LPCAT2: variants seen among roughly 807,000 people sequenced by gnomAD.
LPCAT2 encodes the protein 1-AGP acyltransferase 11.
Under a neutral mutation model 64.7 loss-of-function variants are expected in LPCAT2, and 58 were observed. The observed-to-expected ratio is 0.90, with a 90% CI of 0.73 to 1.12. LPCAT2 has a LOEUF of 1.12. LPCAT2 is among the 50% of genes most tolerant of loss of function. LPCAT2 has a pLI of 0.00. For missense variants in LPCAT2, 579 were observed against 669.8 expected, an observed-to-expected ratio of 0.86 and a Z score of 1.50; for synonymous variants, 252 against 245.3, an observed-to-expected ratio of 1.03 and a Z score of -0.26.
intron 13 of LPCAT2, among the ~76,000 whole-genome samples, chr16:55,581,863 T>A (rs771542614): frequency 6.6e-6 from 1 of 152,166 alleles, no homozygotes; most frequent in East Asian, 1.9e-4. Flanking sequence ...GTTAACTAAG[T>A]AAGCCTTCTG....
intron 13 of LPCAT2, among the ~76,000 whole-genome samples, chr16:55,579,633 T>C (rs1963867665): frequency 6.6e-6 from 1 of 152,180 alleles, no homozygotes; most frequent in African/African-American, 2.4e-5. Flanking sequence ...CACTATTGAC[T>C]CTACACTTTA....
At position 55,574,689 on chromosome 16, in the gene LPCAT2, A is replaced by G. The variant is rs761896134; in HGVS notation, c.1274A>G (p.Asn425Ser). The G allele has an allele frequency of 7.4e-6, 12 of 1,613,434 alleles. No homozygotes were observed. The highest frequency in any genetic ancestry group is 1.0e-5 in the Non-Finnish European group (12 of 1,179,686). Residue 425 changes from asparagine (N) to serine (S), a missense_variant, in exon 12 of 14, where the codon AAC becomes AGC. By Grantham distance (46) the Asn-to-Ser change is conservative. Transcript: ENST00000262134. ...GTGATTGGCCTGGCTGTCTTGTGCA[A>G]CCCTTCCAACACAGAGGAGATCATC... The part of the protein sequence containing the change: ...EYVIGLAVLC[N>S]PSNTEEIIQV...
intron 1 of LPCAT2, among the ~76,000 whole-genome samples, chr16:55,513,031 G>A (rs1214757048): frequency 2.0e-5 from 3 of 152,128 alleles, no homozygotes; most frequent in African/African-American, 7.2e-5. Context: ...CAGAATATCT[G>A]TAATATATCA....
At position 55,569,077 on chromosome 16, in the gene LPCAT2, G is replaced by A. The variant is rs117506902; in HGVS notation, c.1216-5554G>A. ...GCAGATAAATTCTTCCTTCCTCTTTGGACTCATTTAGAAGAAAGTTGTAAC... is the reference window on the plus strand; with the variant it reads ...GCAGATAAATTCTTCCTTCCTCTTTAGACTCATTTAGAAGAAAGTTGTAAC... On this transcript the variant is annotated intron_variant, in intron 11 of 13. Coordinates refer to ENST00000262134, the MANE Select transcript of LPCAT2 (RefSeq NM_017839.5). Among the ~76,000 whole-genome samples the A allele has an allele frequency of 6.9e-3, 1,055 of 152,180 alleles. 3 individuals are homozygous for A. Among genetic ancestry groups the A allele is most frequent in the Middle Eastern group, 0.01 (3 of 294 alleles).
chr16:55,528,509 A>C lies in LPCAT2; in HGVS notation c.444A>C (p.Thr148=), dbSNP rs746800246. The C allele has an allele frequency of 1.2e-6, 2 of 1,614,030 alleles. No homozygotes were observed. Among genetic ancestry groups the C allele is most frequent in the East Asian group, 2.2e-5 (1 of 44,860 alleles). The change falls in exon 3 of 14, where the codon ACA becomes ACC. Residue 148 remains threonine, a synonymous_variant. Transcript: ENST00000262134. ...APVFVAAPHS[T]FFDGIACVVA... is the part of the protein sequence containing the mutation. Reference sequence around the variant, plus strand: ...TTTTTGTTGCTGCCCCTCATTCAACATTCTTTGATGGAATTGCCTGTGTTG... The same window carrying C: ...TTTTTGTTGCTGCCCCTCATTCAACCTTCTTTGATGGAATTGCCTGTGTTG...
intron 11 of LPCAT2, among the ~76,000 whole-genome samples, chr16:55,563,116 A>G (rs1963654830): frequency 6.6e-6 from 1 of 151,966 alleles, no homozygotes; most frequent in Non-Finnish European, 1.5e-5. Flanking sequence ...GTATGCCAAC[A>G]GATTGCATAA....
At chr16:55,537,917 T>C (rs1963344358) in intron 8 of LPCAT2, among the ~76,000 whole-genome samples, 1 of 152,162 alleles carries the variant, frequency 6.6e-6, no homozygotes, top group Non-Finnish European at 1.5e-5. Context: ...AATGATATAT[T>C]TTCACATCCT....
At chr16:55,538,189 T>C (rs9934598) in intron 8 of LPCAT2, 15,768 of 152,908 alleles carry the variant, frequency 0.1, 1,104 homozygotes, top group African/African-American at 0.19. Context: ...CTGAAAATTT[T>C]GACCAGGTTT....
intron 1 of LPCAT2, among the ~76,000 whole-genome samples, chr16:55,517,075 C>T (rs1305212994): frequency 6.6e-6 from 1 of 151,744 alleles, no homozygotes; most frequent in Non-Finnish European, 1.5e-5. Context: ...AATAACAACT[C>T]CAGAAGTTGG....
intron 10 of LPCAT2, among the ~76,000 whole-genome samples, chr16:55,549,663 T>C (rs1963493588): frequency 6.6e-6 from 1 of 152,214 alleles, no homozygotes; most frequent in South Asian, 2.1e-4. Flanking sequence ...TCTGCCTCCC[T>C]ACTCAGAGGG....
chr16:55,569,136 C>G (rs1189505753), intron 11 of LPCAT2, among the ~76,000 whole-genome samples: 1 of 152,164 alleles, frequency 6.6e-6, no homozygotes, highest in African/African-American at 2.4e-5. Context: ...GTTAACATCC[C>G]TCAGCTTCCT....
chr16:55,510,291 T>G (rs1223382433), intron 1 of LPCAT2, among the ~76,000 whole-genome samples: 1 of 152,144 alleles, frequency 6.6e-6, no homozygotes, highest in African/African-American at 2.4e-5. Flanking sequence ...ATGGCTATAC[T>G]GTTATGCACA....
At chr16:55,553,431 T>G (rs1267411723) in intron 11 of LPCAT2, among the ~76,000 whole-genome samples, 1 of 152,200 alleles carries the variant, frequency 6.6e-6, no homozygotes, top group Non-Finnish European at 1.5e-5. Flanking sequence ...TAGTTTCCAT[T>G]GCAATAAACC....
intron 11 of LPCAT2, chr16:55,566,939 TC>T (rs778149330): frequency 6.2e-7 from 1 of 1,613,806 alleles, no homozygotes; most frequent in South Asian, 1.1e-5. Flanking sequence ...CAGAACCGCC[TC>T]CCACTCAGCA....
Position 55,565,285 on chromosome 16 carries a change from G to A in LPCAT2, c.1216-9346G>A, listed in dbSNP as rs200957708. Among the ~76,000 whole-genome samples, 42 of 152,108 alleles carry A rather than the reference G, an allele frequency of 2.8e-4. No individual in the cohort carries two copies. In the East Asian group the frequency reaches 2.9e-3, roughly 10 times the overall value. The stretch of plus-strand genomic sequence containing the variant: ...GGATGTAAGTGGTACAGTCAATAAG[G>A]AAAAGCGTATGGTAGTTCCTTAAAA... On this transcript the variant is annotated intron_variant, in intron 11 of 13. Coordinates refer to ENST00000262134, the MANE Select transcript of LPCAT2 (RefSeq NM_017839.5).
At chr16:55,511,980 A>C (rs1301938218) in intron 1 of LPCAT2, among the ~76,000 whole-genome samples, 2 of 152,174 alleles carry the variant, frequency 1.3e-5, no homozygotes, top group African/African-American at 4.8e-5. Flanking sequence ...GAGTCGTCTC[A>C]TCTTCTCCAC....
chr16:55,532,107 G>A (rs891460914), intron 5 of LPCAT2, 133 bp downstream of exon 5: 14 of 634,030 alleles, frequency 2.2e-5, no homozygotes, highest in African/African-American at 1.5e-4. Flanking sequence ...ACTTTTTAAC[G>A]TTGTGGATCC....
chr16:55,566,819 C>A (rs776460250), intron 11 of LPCAT2: 85 of 1,613,468 alleles, frequency 5.3e-5, no homozygotes, highest in Non-Finnish European at 7.0e-5. Context: ...CTCTTGGAGG[C>A]CTCTTTGGAG....
Position 55,582,994 on chromosome 16 carries a change from G to T in LPCAT2, c.1531G>T (p.Val511Leu). Residue 511 changes from valine (V) to leucine (L), a missense_variant, in exon 14 of 14, where the codon GTG becomes TTG. Coordinates refer to ENST00000262134, the MANE Select transcript of LPCAT2 (RefSeq NM_017839.5). ...ATACCTAGACCTCCAGACGTGCCATGTGTTTTCATTACCAAAAGAAGTCCA... is the reference window on the plus strand; with the variant it reads ...ATACCTAGACCTCCAGACGTGCCATTTGTTTTCATTACCAAAAGAAGTCCA... ...TTYLDLQTCHVFSLPKEVQTT... is the reference protein window; with the variant it reads ...TTYLDLQTCHLFSLPKEVQTT... The T allele has an allele frequency of 6.2e-7, 1 of 1,613,746 alleles. No homozygotes were observed.
Sources: allele counts gnomAD v4.1 joint callset (sites outside exome capture counted in the v4.1 genomes callset), GRCh38; gene constraint gnomAD v4.1.1; transcripts MANE v1.5; gene names NCBI Gene and HGNC (gene_info 2026-07-23, HGNC 2026-07-21).